RMDN1: variants seen among roughly 807,000 people sequenced by gnomAD.
RMDN1 encodes the protein regulator of microtubule dynamics protein 1.
RMDN1 carries 48 observed loss-of-function variants against 48.9 expected under a neutral mutation model. The observed-to-expected ratio is 0.98, with a 90% CI of 0.78 to 1.25. RMDN1 has a LOEUF of 1.25. Ranked by LOEUF, RMDN1 falls within the 50% of genes most tolerant of loss-of-function variation. RMDN1 has a pLI of 0.00. For missense variants in RMDN1, 418 were observed against 373.4 expected (o/e 1.12, Z -0.98); for synonymous variants, 148 against 132.6 (o/e 1.12, Z -0.80).
At chr8:86,470,547 G>C, downstream of RMDN1, 1 of 554,606 alleles carries the variant, frequency 1.8e-6, no homozygotes, top group Non-Finnish European at 2.7e-6. Context: ...CACACTCCTG[G>C]GCATGTATCC....
chr8:86,493,931 G>T (rs2130996826), intron 2 of RMDN1, among the ~76,000 whole-genome samples: 1 of 152,160 alleles, frequency 6.6e-6, no homozygotes, highest in South Asian at 2.1e-4. Context: ...AACACTTCTA[G>T]TCCCAAGCAG....
At chr8:86,493,967 A>G (rs865951151) in intron 2 of RMDN1, among the ~76,000 whole-genome samples, 4 of 152,152 alleles carry the variant, frequency 2.6e-5, no homozygotes, top group Admixed American at 6.5e-5. Flanking sequence ...CCTACACTCT[A>G]TGATCTCACT....
At position 86,473,242 on chromosome 8, in the gene RMDN1, C is replaced by T. The variant is rs1004598695; in HGVS notation, c.*1066G>A. On this transcript the variant is annotated 3_prime_UTR_variant, in exon 10 of 10. Transcript: ENST00000406452. The stretch of plus-strand genomic sequence containing the variant: ...AAATCCTTTGGGAAAAATCCACCTA[C>T]ACACACAGTCTGTCTTTATCTAAGT... The T allele has an allele frequency of 5.1e-6, 5 of 985,000 alleles. No homozygotes were observed. The highest frequency in any genetic ancestry group is 5.2e-4 in the Middle Eastern group (1 of 1,934). 61.0% of individuals were successfully genotyped at this position (985,000 alleles called of 1,614,324 possible).
chr8:86,488,537 T>G lies in RMDN1; in HGVS notation c.335+15A>C. On this transcript the variant is annotated intron_variant, in intron 3 of 9. Transcript: ENST00000406452. The stretch of plus-strand genomic sequence containing the variant: ...TGAGGAAACCACAAGCCTAGGCCTA[T>G]CCTACATTGCTTACCTTTCCTTGTA... 6.3e-7 allele frequency: 1 copy of G among 1,577,682 alleles called. No individual in the cohort carries two copies. The highest frequency in any genetic ancestry group is 8.7e-7 in the Non-Finnish European group (1 of 1,154,076).
chr8:86,500,433 C>A (rs1258270082), intron 2 of RMDN1, among the ~76,000 whole-genome samples: 1 of 151,648 alleles, frequency 6.6e-6, no homozygotes, highest in Non-Finnish European at 1.5e-5. Flanking sequence ...AAATGTTTCA[C>A]ATCACTATCA....
chr8:86,506,726 T>G (rs1396257412), intron 2 of RMDN1, among the ~76,000 whole-genome samples: 1 of 152,154 alleles, frequency 6.6e-6, no homozygotes, highest in Non-Finnish European at 1.5e-5. Flanking sequence ...CACGGAGACT[T>G]CAAATAAAAA....
At chr8:86,470,375 G>A (rs563689953), downstream of RMDN1, 42 of 1,288,384 alleles carry the variant, frequency 3.3e-5, no homozygotes, top group Admixed American at 1.1e-4. Flanking sequence ...GTGGGGAAAC[G>A]TCACGGACCA....
chr8:86,502,307 G>T lies in RMDN1; in HGVS notation c.247+4688C>A, dbSNP rs1263463240. On this transcript the variant is annotated intron_variant, in intron 2 of 9. Coordinates refer to ENST00000406452, the MANE Select transcript of RMDN1 (RefSeq NM_016033.3). ...GCTGGAGTGCAGTGGTGAGATCATG[G>T]CTTACTGCAACCTTGACCTCCTGGA... Among the ~76,000 whole-genome samples, 6 of 152,206 alleles carry T rather than the reference G, an allele frequency of 3.9e-5. No individual in the cohort carries two copies. In the East Asian group the frequency reaches 9.7e-4, roughly 25 times the overall value.
rs757478501 is a variant in RMDN1 at position 86,474,263 on chromosome 8, A to T, written c.*45T>A. ...ATATTAAGTTTAGAATTAAAAGAAAAGGCAATGTTTATTAGCTATTTCATA... is the reference window on the plus strand; with the variant it reads ...ATATTAAGTTTAGAATTAAAAGAAATGGCAATGTTTATTAGCTATTTCATA... On this transcript the variant is annotated 3_prime_UTR_variant, in exon 10 of 10. Transcript: ENST00000406452. 5.0e-6 allele frequency: 8 copies of T among 1,608,552 alleles called. No individual in the cohort carries two copies. The highest frequency in any genetic ancestry group is 6.8e-6 in the Non-Finnish European group (8 of 1,178,034).
At chr8:86,511,128 C>T (rs1820027937), upstream of RMDN1, among the ~76,000 whole-genome samples, 1 of 151,740 alleles carries the variant, frequency 6.6e-6, no homozygotes, top group South Asian at 2.1e-4. Context: ...CACACCACTG[C>T]ACTCCAGTCC....
At chr8:86,514,016 T>C (rs1820181355) in intron 1 of RMDN1, among the ~76,000 whole-genome samples, 1 of 151,962 alleles carries the variant, frequency 6.6e-6, no homozygotes, top group Non-Finnish European at 1.5e-5. Flanking sequence ...TTTTTTTTTT[T>C]ACTTTTTGTA....
Position 86,473,992 on chromosome 8 carries a change from CA to C in RMDN1, c.*315del. 9.3e-7 allele frequency: 1 copy of C among 1,075,248 alleles called. No homozygotes were observed. The highest frequency in any genetic ancestry group is 1.1e-6 in the Non-Finnish European group (1 of 886,876). The allele number at this position is 1,075,248 out of a possible 1,614,324, so 66.6% of individuals were successfully genotyped here. A position where few individuals can be genotyped will look rare whatever the true frequency, so the allele number is the denominator to read the frequency against. ...CTATAGATCCATTTCCCCTCCTCTA[CA>C]AATATTTCTTTGCTTGATCTCCCAT... On this transcript the variant is annotated 3_prime_UTR_variant, in exon 10 of 10. Transcript: ENST00000406452.
chr8:86,508,597 C>G lies in RMDN1; in HGVS notation c.24G>C (p.Trp8Cys). Residue 8 changes from tryptophan to cysteine, a missense_variant, in exon 1 of 10, where the codon TGG becomes TGC. Trp to Cys is a radical substitution (Grantham distance 215). Coordinates refer to ENST00000406452, the MANE Select transcript of RMDN1 (RefSeq NM_016033.3). ...CTCCACGTCGGAAAGGCAGAAGGCGCCACAGTCGAGCAGCCAGCGCCATGA... is the reference window on the plus strand; with the variant it reads ...CTCCACGTCGGAAAGGCAGAAGGCGGCACAGTCGAGCAGCCAGCGCCATGA... MALAARL[W>C]RLLPFRRGAA... 1.2e-6 allele frequency: 2 copies of G among 1,604,652 alleles called. No individual in the cohort carries two copies. Among genetic ancestry groups the G allele is most frequent in the Non-Finnish European group, 1.7e-6 (2 of 1,176,790 alleles).
upstream of RMDN1, among the ~76,000 whole-genome samples, chr8:86,511,197 G>A (rs932966104): frequency 2.0e-5 from 3 of 151,848 alleles, no homozygotes; most frequent in East Asian, 1.9e-4. Flanking sequence ...AAAGAAGTTC[G>A]GGCACGGTGG....
In RMDN1 at chr8:86,474,663, T is replaced by C. The variant is rs192894239; in HGVS notation, c.894+157A>G. 327 of 812,992 alleles carry C rather than the reference T, an allele frequency of 4.0e-4. 2 individuals are homozygous for C. In the African/African-American group the frequency reaches 4.9e-3, roughly 12 times the overall value. 50.4% of individuals were successfully genotyped at this position (812,992 alleles called of 1,614,324 possible). On this transcript the variant is annotated intron_variant, in intron 9 of 9. Transcript: ENST00000406452. Reference sequence around the variant, plus strand: ...GATAGTAACTAAATTATTTCCTATATAGAAATATAAATGTCAATCAATTTA... The same window carrying C: ...GATAGTAACTAAATTATTTCCTATACAGAAATATAAATGTCAATCAATTTA...
At chr8:86,491,441 A>G (rs1331217850) in intron 2 of RMDN1, among the ~76,000 whole-genome samples, 1 of 152,182 alleles carries the variant, frequency 6.6e-6, no homozygotes, top group Non-Finnish European at 1.5e-5. Context: ...ATAAGAAAAA[A>G]GTACACTTCC....
At chr8:86,507,345 A>T (rs1819539870) in intron 1 of RMDN1, among the ~76,000 whole-genome samples, 1 of 152,248 alleles carries the variant, frequency 6.6e-6, no homozygotes, top group South Asian at 2.1e-4. Flanking sequence ...CCTGCTGGAA[A>T]GGAAGAGCTA....
At chr8:86,482,041 T>C in intron 5 of RMDN1, 2 of 695,746 alleles carry the variant, frequency 2.9e-6, no homozygotes, top group South Asian at 1.7e-5. Flanking sequence ...TCGTAAATGC[T>C]AATCACTGGT....
downstream of RMDN1, among the ~76,000 whole-genome samples, chr8:86,469,185 G>GC (rs71275856): frequency 0.25 from 37,986 of 149,770 alleles, 5,735 homozygotes; most frequent in East Asian, 0.46. Flanking sequence ...TGTTTGTCCC[G>GC]CCCCCCCCAT....
Sources: allele counts gnomAD v4.1 joint callset (sites outside exome capture counted in the v4.1 genomes callset), GRCh38; gene constraint gnomAD v4.1.1; transcripts MANE v1.5; gene names NCBI Gene and HGNC (gene_info 2026-07-23, HGNC 2026-07-21).